TMTC2: variants seen among roughly 807,000 people sequenced by gnomAD.
The protein encoded by TMTC2 is protein O-mannosyl-transferase TMTC2.
In TMTC2, 43 loss-of-function variants were observed where a neutral mutation model predicts 82.4. That is an observed-to-expected ratio of 0.52 (90% confidence interval 0.41 to 0.67). The LOEUF is 0.67. Ranked by LOEUF, TMTC2 falls within the 30% of genes least tolerant of loss-of-function variation. The pLI, the probability that TMTC2 is intolerant of heterozygous loss-of-function variation, is 0.00. For missense variants in TMTC2, 919 were observed against 1,012.4 expected (o/e 0.91, Z 1.25); for synonymous variants, 408 against 381.9 (o/e 1.07, Z -0.80).
At chr12:83,099,729 T>C (rs1341392233) in intron 11 of TMTC2, among the ~76,000 whole-genome samples, 1 of 152,116 alleles carries the variant, frequency 6.6e-6, no homozygotes. Flanking sequence ...TTACCCTTTT[T>C]TTTTTAACGT....
At chr12:83,023,999 C>T (rs1434306239) in intron 8 of TMTC2, among the ~76,000 whole-genome samples, 8 of 152,162 alleles carry the variant, frequency 5.3e-5, no homozygotes, top group African/African-American at 1.9e-4. Context: ...TTTATTCTGT[C>T]ATTTCTATTT....
chr12:82,731,640 G>C (rs1351310487), intron 1 of TMTC2, among the ~76,000 whole-genome samples: 5 of 152,082 alleles, frequency 3.3e-5, no homozygotes, highest in Admixed American at 3.3e-4. Flanking sequence ...ATAAATAATA[G>C]GCTTTATTTT....
intron 1 of TMTC2, among the ~76,000 whole-genome samples, chr12:82,729,297 G>A (rs993906416): frequency 1.3e-5 from 2 of 152,202 alleles, no homozygotes; most frequent in African/African-American, 4.8e-5. Context: ...AGCACTCTGT[G>A]TCTAGCTCAG....
At position 82,696,963 on chromosome 12, in the gene TMTC2, C is replaced by CATATATATATATAT. The variant is rs1491534159; in HGVS notation, c.83+9294_83+9295insATATATATATATAT. On this transcript the variant is annotated intron_variant, in intron 1 of 11. Transcript: ENST00000321196. ...AGCTCTCTTTCTACATACATACATA[C>CATATATATATATAT]GTATATATATATATATATATGTTTC... Among the ~76,000 whole-genome samples the CATATATATATATAT allele has an allele frequency of 1.3e-4, 16 of 121,420 alleles. No individual in the cohort carries two copies. In the East Asian group the frequency reaches 2.6e-3, roughly 20 times the overall value. The allele number at this position is 121,420 out of a possible 152,430, so 79.7% of individuals were successfully genotyped here.
chr12:82,996,854 G>C (rs1355889339), intron 8 of TMTC2, among the ~76,000 whole-genome samples: 3 of 152,064 alleles, frequency 2.0e-5, no homozygotes, highest in African/African-American at 4.8e-5. Flanking sequence ...AGCTAAAAGA[G>C]AAATAGACTT....
rs561986153 is a variant in TMTC2, at chr12:82,897,574, G to A, written c.1483+928G>A. ...CGGGTCTTGCTCTGTCGCCCAGGCC[G>A]GAGTGCAATGGCATGATCTCGACTT... On this transcript the variant is annotated intron_variant, in intron 3 of 11. Transcript: ENST00000321196. 4.6e-5 allele frequency among the ~76,000 whole-genome samples: 7 copies of A among 152,182 alleles called. No individual in the cohort carries two copies. The South Asian group carries it at 8.3e-4, about 18-fold the overall frequency.
At chr12:82,933,360 G>T (rs151021069) in intron 4 of TMTC2, among the ~76,000 whole-genome samples, 3 of 151,920 alleles carry the variant, frequency 2.0e-5, no homozygotes, top group Admixed American at 6.6e-5. Context: ...ATATTTATAG[G>T]AACATTTTTT....
At chr12:82,813,707 CT>C (rs1161637948) in intron 1 of TMTC2, among the ~76,000 whole-genome samples, 6 of 151,942 alleles carry the variant, frequency 3.9e-5, no homozygotes, top group African/African-American at 1.4e-4. Flanking sequence ...TCTGTATTTC[CT>C]TTATCTGTTT....
chr12:82,748,846 C>T (rs1875826249), intron 1 of TMTC2, among the ~76,000 whole-genome samples: 1 of 152,152 alleles, frequency 6.6e-6, no homozygotes, highest in Admixed American at 6.5e-5. Flanking sequence ...CATTGCACAC[C>T]AGCCTGGGCA....
intron 3 of TMTC2, among the ~76,000 whole-genome samples, chr12:82,900,945 A>C (rs1873974734): frequency 1.2e-5 from 1 of 85,788 alleles, no homozygotes; most frequent in Non-Finnish European, 2.0e-5. Flanking sequence ...AGGAATATAT[A>C]TATATCTGGA....
At chr12:83,053,867 C>A (rs1410771038) in intron 10 of TMTC2, among the ~76,000 whole-genome samples, 1 of 152,052 alleles carries the variant, frequency 6.6e-6, no homozygotes, top group Non-Finnish European at 1.5e-5. Flanking sequence ...TCTCTAAATT[C>A]CTGTCATCAA....
intron 3 of TMTC2, among the ~76,000 whole-genome samples, chr12:82,903,322 C>A (rs1322479322): frequency 2.0e-5 from 3 of 152,168 alleles, no homozygotes; most frequent in Non-Finnish European, 4.4e-5. Context: ...ACTATATTTT[C>A]TATAATTATG....
chr12:82,957,253 A>G (rs775451678), intron 4 of TMTC2, among the ~76,000 whole-genome samples: 6 of 152,208 alleles, frequency 3.9e-5, no homozygotes, highest in Admixed American at 1.3e-4. Context: ...ACAGTATTAC[A>G]TGGAAATTGA....
At chr12:82,705,351 A>T (rs1159433857) in intron 1 of TMTC2, among the ~76,000 whole-genome samples, 2 of 152,230 alleles carry the variant, frequency 1.3e-5, no homozygotes, top group African/African-American at 4.8e-5. Flanking sequence ...AATTCAAAAA[A>T]AGAAAATTGT....
At chr12:83,119,553 T>C (rs7295296) in intron 11 of TMTC2, among the ~76,000 whole-genome samples, 10,154 of 152,242 alleles carry the variant, frequency 0.067, 542 homozygotes, top group African/African-American at 0.13. Context: ...AGGCTCGTTT[T>C]GTGGGCTATC....
intron 3 of TMTC2, among the ~76,000 whole-genome samples, chr12:82,916,646 G>T (rs1875016741): frequency 6.6e-6 from 1 of 152,126 alleles, no homozygotes; most frequent in Non-Finnish European, 1.5e-5. Context: ...GAACATGGGT[G>T]CTGGATTATA....
At chr12:82,978,984 T>C (rs969592313) in intron 7 of TMTC2, among the ~76,000 whole-genome samples, 1 of 151,870 alleles carries the variant, frequency 6.6e-6, no homozygotes, top group African/African-American at 2.4e-5. Flanking sequence ...CTGTTTTGTC[T>C]GGTGTAAGTA....
Position 82,900,840 on chromosome 12 carries a change from AT to A in TMTC2, c.1483+4195del, listed in dbSNP as rs540363858. Among the ~76,000 whole-genome samples, 262 of 132,922 alleles carry A rather than the reference AT, an allele frequency of 2.0e-3. 2 individuals carry two copies. The highest frequency in any genetic ancestry group is 6.8e-3 in the African/African-American group (249 of 36,616). The allele number at this position is 132,922 out of a possible 152,430, so 87.2% of individuals were successfully genotyped here. Reference sequence around the variant, plus strand: ...GAATATATATACCTGGAATATATATATATAGGAATATATATACCTGGAATAT... The same window carrying A: ...GAATATATATACCTGGAATATATATAATAGGAATATATATACCTGGAATAT... On this transcript the variant is annotated intron_variant, in intron 3 of 11. Transcript: ENST00000321196.
chr12:82,892,329 TA>T (rs1462330581), intron 2 of TMTC2, among the ~76,000 whole-genome samples: 2 of 152,226 alleles, frequency 1.3e-5, no homozygotes, highest in Non-Finnish European at 2.9e-5. Flanking sequence ...AGACATATAA[TA>T]TTTAACATTC....
Sources: gnomAD v4.1 joint callset for allele counts (sites outside exome capture counted in the v4.1 genomes callset) on GRCh38, gnomAD v4.1.1 for gene constraint, MANE v1.5 for transcripts, NCBI Gene and HGNC (gene_info 2026-07-23, HGNC 2026-07-21) for gene names.